The following TMEM132B variants were observed in gnomAD, a reference collection of about 807,000 sequenced individuals.
The protein encoded by TMEM132B is transmembrane protein 132B.
Under a neutral mutation model 90.8 loss-of-function variants are expected in TMEM132B, and 18 were observed. The observed-to-expected ratio is 0.20, with a 90% CI of 0.14 to 0.29. TMEM132B has a LOEUF of 0.29. TMEM132B is among the 10% of genes least tolerant of loss of function. The pLI, the probability that TMEM132B is intolerant of heterozygous loss-of-function variation, is 1.00. For missense variants in TMEM132B, 1,096 were observed against 1,326.8 expected (o/e 0.83, Z 2.70); for synonymous variants, 504 against 523.3 (o/e 0.96, Z 0.50).
chr12:125,343,456 G>A (rs1270728298), intron 1 of TMEM132B, among the ~76,000 whole-genome samples: 1 of 152,222 alleles, frequency 6.6e-6, no homozygotes, highest in Non-Finnish European at 1.5e-5. Flanking sequence ...TGAGCATTAA[G>A]CTTCGGCTCC....
In TMEM132B at chr12:125,659,101, T is replaced by A. The variant is rs576256914; in HGVS notation, c.*4391T>A. 1.2e-4 allele frequency: 19 copies of A among 152,354 alleles called. 1 individual carries two copies. The South Asian group carries it at 3.9e-3, about 32-fold the overall frequency. The allele number at this position is 152,354 out of a possible 1,614,324, so 9.4% of individuals were successfully genotyped here. ...CATAAAGCAGCTGTATGGTTGGCTA[T>A]AATATAGATTTATTTTTTCTTTTCA... On this transcript the variant is annotated 3_prime_UTR_variant, in exon 9 of 9. Transcript: ENST00000682704.
At chr12:125,446,941 A>T (rs1881020927) in intron 3 of TMEM132B, among the ~76,000 whole-genome samples, 1 of 152,226 alleles carries the variant, frequency 6.6e-6, no homozygotes, top group Admixed American at 6.5e-5. Context: ...ATCCTTGATT[A>T]ATTTGATCTT....
rs1421167855 is a variant in TMEM132B at position 125,277,534 on chromosome 12, C to CACACAT, written c.68-71913_68-71912insTACACA. Among the ~76,000 whole-genome samples the CACACAT allele has an allele frequency of 2.0e-5, 3 of 151,272 alleles. No individual in the cohort carries two copies. Among genetic ancestry groups the CACACAT allele is most frequent in the African/African-American group, 7.3e-5 (3 of 41,072 alleles). ...ACACACACACACACACACACATACA[C>CACACAT]ACACACACGGGAAGGCCATGTGAAG... On this transcript the variant is annotated intron_variant, in intron 1 of 8. Transcript: ENST00000682704. This position sits in a 1 kb window ranked among gnomAD's most constrained non-coding sequence, Gnocchi z 4.3.
chr12:125,501,129 G>C (rs532847384), intron 3 of TMEM132B, among the ~76,000 whole-genome samples: 4 of 152,292 alleles, frequency 2.6e-5, no homozygotes, highest in African/African-American at 9.6e-5. Context: ...AATTGGATGG[G>C]AAGGTTCACA....
In TMEM132B at chr12:125,462,803, TAATCC is replaced by T. The variant is rs1335896797; in HGVS notation, c.1106+47128_1106+47132del. Among the ~76,000 whole-genome samples the T allele has an allele frequency of 2.6e-5, 4 of 152,252 alleles. No individual in the cohort carries two copies. The East Asian group carries it at 7.7e-4, about 29-fold the overall frequency. ...TCTTCTCTCTGGAAGAAAACTTGAC[TAATCC>T]ACAAGCAGCAACCTGTGAACTTTTG... On this transcript the variant is annotated intron_variant, in intron 3 of 8. Coordinates refer to ENST00000682704, the MANE Select transcript of TMEM132B (RefSeq NM_001366854.1).
intron 5 of TMEM132B, among the ~76,000 whole-genome samples, chr12:125,618,366 A>G (rs1251323215): frequency 6.6e-6 from 1 of 152,204 alleles, no homozygotes; most frequent in Non-Finnish European, 1.5e-5. Context: ...CCTGGTATTT[A>G]GACTCTGCCA....
intron 1 of TMEM132B, among the ~76,000 whole-genome samples, chr12:125,307,905 A>C (rs1159306113): frequency 8.4e-6 from 1 of 119,050 alleles, no homozygotes; most frequent in Non-Finnish European, 1.7e-5. Context: ...AAATATATAT[A>C]TTAAGTATAT....
intron 1 of TMEM132B, among the ~76,000 whole-genome samples, chr12:125,314,121 G>A (rs75678572): frequency 6.6e-6 from 1 of 152,304 alleles, no homozygotes; most frequent in Non-Finnish European, 1.5e-5. Context: ...AGAGAGCTTA[G>A]CTGAGTGTGT....
chr12:125,449,681 G>T lies in TMEM132B; in HGVS notation c.1106+34004G>T, dbSNP rs569890062. On this transcript the variant is annotated intron_variant, in intron 3 of 8. Coordinates refer to ENST00000682704, the MANE Select transcript of TMEM132B (RefSeq NM_001366854.1). Reference sequence around the variant, plus strand: ...ACATGGAAGTGTATCAAATTGTGGGGTTTTTTTTTTGCTTAAACAATAGAA... The same window carrying T: ...ACATGGAAGTGTATCAAATTGTGGGTTTTTTTTTTTGCTTAAACAATAGAA... 9.9e-3 allele frequency among the ~76,000 whole-genome samples: 1,463 copies of T among 147,862 alleles called. 20 individuals are homozygous for T. The highest frequency in any genetic ancestry group is 0.033 in the African/African-American group (1,351 of 40,546).
At chr12:125,343,373 C>T (rs1189257083) in intron 1 of TMEM132B, among the ~76,000 whole-genome samples, 1 of 152,192 alleles carries the variant, frequency 6.6e-6, no homozygotes, top group Non-Finnish European at 1.5e-5. Flanking sequence ...ATGGGAGATA[C>T]AGTCACCTGT....
At chr12:125,266,667 C>T (rs1473437183) in intron 1 of TMEM132B, among the ~76,000 whole-genome samples, 3 of 152,210 alleles carry the variant, frequency 2.0e-5, no homozygotes, top group South Asian at 2.1e-4. Flanking sequence ...CTTCTCCACA[C>T]CACACTTGTA....
intron 1 of TMEM132B, among the ~76,000 whole-genome samples, chr12:125,346,952 A>G (rs1877386139): frequency 6.6e-6 from 1 of 152,198 alleles, no homozygotes; most frequent in Admixed American, 6.5e-5. Context: ...CACTTATTTG[A>G]TCATTTCCCT....
chr12:125,336,585 A>C (rs1414242130), intron 1 of TMEM132B, among the ~76,000 whole-genome samples: 1 of 152,242 alleles, frequency 6.6e-6, no homozygotes, highest in Non-Finnish European at 1.5e-5. Flanking sequence ...CAGATGAAGG[A>C]GAAACAAGTC....
At chr12:125,330,568 C>T (rs1262810984) in intron 1 of TMEM132B, among the ~76,000 whole-genome samples, 1 of 152,072 alleles carries the variant, frequency 6.6e-6, no homozygotes, top group South Asian at 2.1e-4. Context: ...TATAAACTAT[C>T]ATTTTTTACT....
At chr12:125,584,080 G>A in intron 5 of TMEM132B, 86 bp downstream of exon 5, 2 of 1,593,294 alleles carry the variant, frequency 1.3e-6, no homozygotes, top group East Asian at 2.2e-5. Context: ...TGTTCTCACT[G>A]AGCATCCCAT....
At chr12:125,287,170 T>C (rs1159112565) in intron 1 of TMEM132B, among the ~76,000 whole-genome samples, 4 of 151,976 alleles carry the variant, frequency 2.6e-5, no homozygotes, top group African/African-American at 9.7e-5. Flanking sequence ...CCCGACCTTT[T>C]CCTCCCTCCC....
intron 5 of TMEM132B, among the ~76,000 whole-genome samples, chr12:125,620,274 A>G (rs1886087592): frequency 6.6e-6 from 1 of 152,200 alleles, no homozygotes; most frequent in African/African-American, 2.4e-5. Context: ...ACTTTAGACA[A>G]TAATGTCATT....
At chr12:125,314,614 C>G (rs1876213174) in intron 1 of TMEM132B, among the ~76,000 whole-genome samples, 1 of 152,100 alleles carries the variant, frequency 6.6e-6, no homozygotes, top group Non-Finnish European at 1.5e-5. Context: ...ATTCTCTAAA[C>G]TGGGAACCGC....
chr12:125,288,099 C>G (rs1358111434), intron 1 of TMEM132B, among the ~76,000 whole-genome samples: 6 of 148,572 alleles, frequency 4.0e-5, no homozygotes, highest in Middle Eastern at 3.2e-3. Context: ...GTCTTAAACT[C>G]CTGACTTCAG....
Sources: allele counts gnomAD v4.1 joint callset (sites outside exome capture counted in the v4.1 genomes callset), GRCh38; gene constraint gnomAD v4.1.1; non-coding constraint Gnocchi (gnomAD v3.1); transcripts MANE v1.5; gene names NCBI Gene and HGNC (gene_info 2026-07-23, HGNC 2026-07-21).